The following NTRK3 variants were observed in gnomAD, a reference collection of about 807,000 sequenced individuals.
The protein encoded by NTRK3 is neurotrophic receptor tyrosine kinase 3, also known as NT-3 growth factor receptor.
A neutral mutation model predicts 91.7 loss-of-function variants in NTRK3; 24 were observed. That is an observed-to-expected ratio of 0.26 (90% CI 0.19 to 0.37). The LOEUF (loss-of-function observed/expected upper bound fraction) is 0.37, where lower values mean the gene tolerates loss of function less well. Among genes scored for constraint, NTRK3 ranks in the 10% least tolerant of loss-of-function variants. The probability of loss-of-function intolerance (pLI) is 1.00; values close to 1 mark genes in which losing one functional copy is unlikely to be tolerated. For missense variants in NTRK3, 880 were observed against 1,068.9 expected, an observed-to-expected ratio of 0.82 and a Z score of 2.46; for synonymous variants, 483 against 404.0, an observed-to-expected ratio of 1.20 and a Z score of -2.34.
intron 5 of NTRK3, among the ~76,000 whole-genome samples, chr15:88,172,733 T>C (rs2045635143): frequency 6.6e-6 from 1 of 152,052 alleles, no homozygotes; most frequent in Non-Finnish European, 1.5e-5. Context: ...CCTGGGTGAA[T>C]CAGAATGTGG....
chr15:87,903,323 A>C (rs2066563421), intron 17 of NTRK3, among the ~76,000 whole-genome samples: 1 of 152,248 alleles, frequency 6.6e-6, no homozygotes. Context: ...TGAAGATAAG[A>C]TGCAGACCAA....
rs974957319 is a variant in NTRK3 at position 87,983,305 on chromosome 15, G to C, written c.1586-42552C>G. Among the ~76,000 whole-genome samples, 10 of 152,160 alleles carry C rather than the reference G, an allele frequency of 6.6e-5. 1 individual carries two copies. Among genetic ancestry groups the C allele is most frequent in the African/African-American group, 2.4e-4 (10 of 41,442 alleles). ...GAGCCAGAAGGCAATGCAGTGGGAA[G>C]GGCATCCCACCCCAGTCAGGGTGCC... On this transcript the variant is annotated intron_variant, in intron 14 of 18. Transcript: ENST00000394480.
rs906476834 is a variant in NTRK3 at position 88,233,802 on chromosome 15, T to C, written c.248+22104A>G. 4.4e-4 allele frequency among the ~76,000 whole-genome samples: 66 copies of C among 148,872 alleles called. No individual in the cohort carries two copies. The highest frequency in any genetic ancestry group is 1.6e-3 in the African/African-American group (61 of 38,558). ...CCTGACATCCAGTGCTCCCCCTCCC[T>C]GCCTTGTCCAAGAGAATCTCTACTC... is the stretch of plus-strand genomic sequence containing the variant. On this transcript the variant is annotated intron_variant, in intron 3 of 18. Transcript: ENST00000394480. The surrounding 1 kb of genome is among the most constrained non-coding windows in gnomAD (Gnocchi z 4.2).
intron 14 of NTRK3, among the ~76,000 whole-genome samples, chr15:87,983,626 ACAGCCC>A (rs1157336521): frequency 6.6e-6 from 1 of 152,164 alleles, no homozygotes; most frequent in East Asian, 1.9e-4. Context: ...ATATGGAAAA[ACAGCCC>A]CAAGTTCACT....
At chr15:88,160,484 A>G (rs2044348832) in intron 5 of NTRK3, among the ~76,000 whole-genome samples, 1 of 152,188 alleles carries the variant, frequency 6.6e-6, no homozygotes, top group African/African-American at 2.4e-5. Context: ...GCCAGCGCAG[A>G]AGAGTGGGGG....
rs76942329 is a variant in NTRK3, at chr15:87,867,312, T to C, written c.*9623A>G. On this transcript the variant is annotated 3_prime_UTR_variant, in exon 19 of 19. Coordinates refer to ENST00000394480, the Ensembl canonical transcript of NTRK3. ...GGAGATGAGCCAATAGGGCTTTCCC[T>C]GGCTTTTCCCTGGCCTTAAAGGGTG... 6.3e-3 allele frequency: 1,432 copies of C among 226,928 alleles called. 21 individuals are homozygous for C. Among genetic ancestry groups the C allele is most frequent in the African/African-American group, 0.022 (1,014 of 45,116 alleles). The allele number at this position is 226,928 out of a possible 1,614,324, so 14.1% of individuals were successfully genotyped here. A position where few individuals can be genotyped will look rare whatever the true frequency, so the allele number is the denominator to read the frequency against.
intron 13 of NTRK3, among the ~76,000 whole-genome samples, chr15:88,073,458 G>T (rs1489560656): frequency 1.3e-5 from 2 of 152,178 alleles, no homozygotes; most frequent in East Asian, 1.9e-4. Flanking sequence ...CCAGAGGCGG[G>T]TGTTGTCACA....
exon 8 of NTRK3, chr15:88,136,535 C>T (rs1260748438): frequency 6.2e-7 from 1 of 1,613,918 alleles, no homozygotes; most frequent in Non-Finnish European, 8.5e-7. Flanking sequence ...GATCCAGAGC[C>T]ATTGCAAGTG....
intron 3 of NTRK3, among the ~76,000 whole-genome samples, chr15:88,238,613 G>T (rs1863489): frequency 1.3e-5 from 2 of 152,112 alleles, no homozygotes; most frequent in Non-Finnish European, 2.9e-5. Context: ...GTATTATATC[G>T]GTCATTGTGA....
intron 14 of NTRK3, among the ~76,000 whole-genome samples, chr15:87,965,281 G>T (rs1160337487): frequency 6.6e-6 from 1 of 152,118 alleles, no homozygotes; most frequent in Non-Finnish European, 1.5e-5. Context: ...TTTGTAATCA[G>T]AAAAAAGCAC....
intron 16 of NTRK3, among the ~76,000 whole-genome samples, chr15:87,931,649 T>C (rs1033647904): frequency 6.6e-6 from 1 of 152,222 alleles, no homozygotes; most frequent in Non-Finnish European, 1.5e-5. Flanking sequence ...ATCCATTTCA[T>C]TGTGAATCCA....
chr15:88,084,918 C>G (rs1168111730), intron 13 of NTRK3, among the ~76,000 whole-genome samples: 1 of 152,162 alleles, frequency 6.6e-6, no homozygotes, highest in East Asian at 1.9e-4. Context: ...TATGTACATG[C>G]GCCCGCATGG....
chr15:87,902,854 C>G (rs147417874), intron 17 of NTRK3, among the ~76,000 whole-genome samples: 1 of 152,000 alleles, frequency 6.6e-6, no homozygotes, highest in South Asian at 2.1e-4. Context: ...ATGTAAAAAC[C>G]GACATGCCCA....
intron 14 of NTRK3, 85 bp from the exon 15 acceptor site, chr15:87,940,838 TG>T (rs2069764590): frequency 6.3e-7 from 1 of 1,598,290 alleles, no homozygotes; most frequent in Admixed American, 1.7e-5. Context: ...AGGTCTAGCG[TG>T]GAGAACTTGG....
chr15:88,055,661 C>T (rs1200685312), intron 13 of NTRK3, among the ~76,000 whole-genome samples: 2 of 152,062 alleles, frequency 1.3e-5, no homozygotes, highest in African/African-American at 4.8e-5. Flanking sequence ...AAACTAAGAC[C>T]CAGTGAATTG....
rs556321890 is a variant in NTRK3, at chr15:88,241,608, G to T, written c.248+14298C>A. 6.6e-6 allele frequency among the ~76,000 whole-genome samples: 1 copy of T among 152,130 alleles called. No individual in the cohort carries two copies. The highest frequency in any genetic ancestry group is 1.5e-5 in the Non-Finnish European group (1 of 68,010). Reference sequence around the variant, plus strand: ...GCAGGGGGCATGGGGCAGGTCAGCCGCTGGTTGGGCAGAATGCCAGCTGGG... The same window carrying T: ...GCAGGGGGCATGGGGCAGGTCAGCCTCTGGTTGGGCAGAATGCCAGCTGGG... On this transcript the variant is annotated intron_variant, in intron 3 of 18. Transcript: ENST00000394480. The surrounding 1 kb of genome is among the most constrained non-coding windows in gnomAD (Gnocchi z 4.3).
chr15:88,237,612 A>T lies in NTRK3; in HGVS notation c.248+18294T>A, dbSNP rs1347648224. ...TTTAAAACACAGAACTGTCCTGTGGACCCTTCTCAGATGTTGCACTTGCTT... is the reference window on the plus strand; with the variant it reads ...TTTAAAACACAGAACTGTCCTGTGGTCCCTTCTCAGATGTTGCACTTGCTT... On this transcript the variant is annotated intron_variant, in intron 3 of 18. Coordinates refer to ENST00000394480, the Ensembl canonical transcript of NTRK3. This position sits in a 1 kb window ranked among gnomAD's most constrained non-coding sequence, Gnocchi z 4.0. 2.0e-5 allele frequency among the ~76,000 whole-genome samples: 3 copies of T among 152,126 alleles called. No homozygotes were observed. Among genetic ancestry groups the T allele is most frequent in the African/African-American group, 7.2e-5 (3 of 41,428 alleles).
chr15:88,018,245 G>A (rs543493922), intron 14 of NTRK3, among the ~76,000 whole-genome samples: 18 of 152,322 alleles, frequency 1.2e-4, no homozygotes, highest in African/African-American at 4.3e-4. Context: ...CACGGAGGGG[G>A]ATGACTACAT....
At chr15:88,150,992 C>G (rs11073766) in intron 5 of NTRK3, among the ~76,000 whole-genome samples, 3,412 of 152,168 alleles carry the variant, frequency 0.022, 59 homozygotes, top group Non-Finnish European at 0.036. Flanking sequence ...TTACCCTGCT[C>G]ATCAGACAAG....
Sources: allele counts gnomAD v4.1 joint callset (sites outside exome capture counted in the v4.1 genomes callset), GRCh38; gene constraint gnomAD v4.1.1; non-coding constraint Gnocchi (gnomAD v3.1); transcripts MANE v1.5; gene names NCBI Gene and HGNC (gene_info 2026-07-23, HGNC 2026-07-21).